Variants in MAP3K5 observed in about 807,000 individuals in gnomAD.
MAP3K5 encodes mitogen-activated protein kinase kinase kinase 5.
A neutral mutation model predicts 158.7 loss-of-function variants in MAP3K5; 56 were observed. The ratio of observed to expected loss-of-function variants is 0.35; its 90% confidence interval spans 0.28 to 0.44. The LOEUF (loss-of-function observed/expected upper bound fraction) is 0.44, where lower values mean the gene tolerates loss of function less well. Ranked by LOEUF, MAP3K5 falls within the 20% of genes least tolerant of loss-of-function variation. The probability of loss-of-function intolerance (pLI) is 1.00; values close to 1 mark genes in which losing one functional copy is unlikely to be tolerated. For missense variants in MAP3K5, 1,294 were observed against 1,674.8 expected (o/e 0.77, Z 3.97); for synonymous variants, 579 against 601.7 (o/e 0.96, Z 0.55).
chr6:136,559,220 C>G (rs1283009242), intron 28 of MAP3K5, among the ~76,000 whole-genome samples: 1 of 152,024 alleles, frequency 6.6e-6, no homozygotes, highest in Non-Finnish European at 1.5e-5. Context: ...GGCGTGGTGG[C>G]GTATGCCTGT....
intron 14 of MAP3K5, among the ~76,000 whole-genome samples, chr6:136,631,191 T>C (rs1777334734): frequency 6.6e-6 from 1 of 152,184 alleles, no homozygotes; most frequent in Non-Finnish European, 1.5e-5. Context: ...CCATTGAACA[T>C]AAGCTGGTAC....
chr6:136,789,439 T>G (rs1784977626), intron 1 of MAP3K5, among the ~76,000 whole-genome samples: 2 of 152,162 alleles, frequency 1.3e-5, no homozygotes, highest in African/African-American at 4.8e-5. Context: ...GCCATCCAGA[T>G]GGGCAGGGGT....
At chr6:136,678,540 T>C (rs1351810561) in intron 7 of MAP3K5, among the ~76,000 whole-genome samples, 1 of 152,138 alleles carries the variant, frequency 6.6e-6, no homozygotes, top group Non-Finnish European at 1.5e-5. Context: ...TCTATAAAGA[T>C]AGAGAAATAA....
chr6:136,720,781 C>T (rs1461347665), intron 1 of MAP3K5, among the ~76,000 whole-genome samples, 192 bp from the exon 2 acceptor site: 2 of 152,070 alleles, frequency 1.3e-5, no homozygotes, highest in Non-Finnish European at 2.9e-5. Context: ...TAACAAACCT[C>T]CTTTTTCTGT....
intron 2 of MAP3K5, among the ~76,000 whole-genome samples, chr6:136,711,020 C>A (rs1413519669): frequency 6.6e-6 from 1 of 152,146 alleles, no homozygotes; most frequent in African/African-American, 2.4e-5. Flanking sequence ...CCCCCGTACC[C>A]TTTCTGCACA....
intron 15 of MAP3K5, among the ~76,000 whole-genome samples, chr6:136,615,651 A>G (rs1776531081): frequency 2.6e-5 from 4 of 152,216 alleles, no homozygotes; most frequent in African/African-American, 9.6e-5. Flanking sequence ...TTAAGAAGCT[A>G]AATATTGTAG....
intron 26 of MAP3K5, among the ~76,000 whole-genome samples, chr6:136,565,468 G>A (rs1774058276): frequency 6.6e-6 from 1 of 152,162 alleles, no homozygotes; most frequent in African/African-American, 2.4e-5. Flanking sequence ...GTCTTGCTCT[G>A]TCACCCAGGC....
intron 1 of MAP3K5, among the ~76,000 whole-genome samples, chr6:136,760,289 G>A (rs951417318): frequency 6.6e-6 from 1 of 151,844 alleles, no homozygotes; most frequent in African/African-American, 2.4e-5. Context: ...TTTCCTTATA[G>A]AAACAACAAA....
intron 1 of MAP3K5, among the ~76,000 whole-genome samples, chr6:136,750,758 T>G (rs1235638573): frequency 2.6e-5 from 4 of 152,224 alleles, no homozygotes; most frequent in African/African-American, 4.8e-5. Flanking sequence ...CATTTCATCT[T>G]CTTCCTCCTT....
intron 21 of MAP3K5, among the ~76,000 whole-genome samples, chr6:136,599,163 A>T (rs1775764184): frequency 1.1e-5 from 1 of 93,384 alleles, no homozygotes; most frequent in South Asian, 5.1e-4. Context: ...CGTCTCAAAA[A>T]AAAAAGGGGG....
At chr6:136,669,087 T>C (rs892052952) in intron 8 of MAP3K5, among the ~76,000 whole-genome samples, 196 bp downstream of exon 8, 1 of 152,230 alleles carries the variant, frequency 6.6e-6, no homozygotes, top group Non-Finnish European at 1.5e-5. Flanking sequence ...AATTAAAAAC[T>C]GAATTATGTC....
rs59508317 is a variant in MAP3K5 at position 136,611,107 on chromosome 6, CAAAAAAAAAAAAAAAA to C, written c.2521+159_2521+174del. The stretch of plus-strand genomic sequence containing the variant: ...TAGGTGACAGGGCAAGACCCTGTCT[CAAAAAAAAAAAAAAAA>C]AAAAAAAAAAAGAAAGAAAAGAAAA... On this transcript the variant is annotated intron_variant, in intron 18 of 29. Coordinates refer to ENST00000359015, the MANE Select transcript of MAP3K5 (RefSeq NM_005923.4). 2.2e-3 allele frequency among the ~76,000 whole-genome samples: 53 copies of C among 24,456 alleles called. 1 individual carries two copies. The highest frequency in any genetic ancestry group is 5.9e-3 in the African/African-American group (49 of 8,330). 16.0% of individuals were successfully genotyped at this position (24,456 alleles called of 152,430 possible).
intron 26 of MAP3K5, among the ~76,000 whole-genome samples, chr6:136,566,153 A>G (rs1774099522): frequency 6.6e-6 from 1 of 152,182 alleles, no homozygotes. Flanking sequence ...CAGGGTGGCG[A>G]GCACAACGCT....
At chr6:136,629,703 C>G (rs927004728) in intron 14 of MAP3K5, among the ~76,000 whole-genome samples, 34 of 152,266 alleles carry the variant, frequency 2.2e-4, no homozygotes, top group Middle Eastern at 3.4e-3. Context: ...ATCCACCCGC[C>G]TTGGTCTCCC....
At chr6:136,742,826 TA>T (rs1782768155) in intron 1 of MAP3K5, among the ~76,000 whole-genome samples, 3 of 152,076 alleles carry the variant, frequency 2.0e-5, no homozygotes, top group Admixed American at 6.5e-5. Flanking sequence ...ACGATGAGAT[TA>T]AAAAATGGGC....
chr6:136,601,779 T>C, intron 20 of MAP3K5, 23 bp downstream of exon 20: 1 of 1,611,736 alleles, frequency 6.2e-7, no homozygotes, highest in Non-Finnish European at 8.5e-7. Context: ...TCAGACTATA[T>C]CCTCTTCAAT....
intron 3 of MAP3K5, 115 bp from the exon 4 acceptor site, chr6:136,698,797 C>T (rs1780721673): frequency 2.8e-6 from 2 of 703,628 alleles, no homozygotes; most frequent in African/African-American, 3.6e-5. Flanking sequence ...AATAGAAAAG[C>T]CTCATTATTT....
At chr6:136,719,540 G>T (rs1781665235) in intron 2 of MAP3K5, among the ~76,000 whole-genome samples, 1 of 152,204 alleles carries the variant, frequency 6.6e-6, no homozygotes, top group Non-Finnish European at 1.5e-5. Context: ...ATGAAGTTCT[G>T]CAGATTTCTC....
intron 10 of MAP3K5, 140 bp downstream of exon 10, chr6:136,656,167 A>G (rs774772537): frequency 6.1e-6 from 4 of 653,788 alleles, no homozygotes; most frequent in African/African-American, 1.8e-5. Flanking sequence ...AAGCAAACCA[A>G]TGTGCAGGAA....
Sources: gnomAD v4.1 joint callset for allele counts (sites outside exome capture counted in the v4.1 genomes callset) on GRCh38, gnomAD v4.1.1 for gene constraint, MANE v1.5 for transcripts, NCBI Gene and HGNC (gene_info 2026-07-23, HGNC 2026-07-21) for gene names.